The following CASTOR2 variants were observed in gnomAD, a reference collection of about 807,000 sequenced individuals.
CASTOR2 encodes GATS protein like 2.
CASTOR2 carries 8 observed loss-of-function variants against 31.2 expected under a neutral mutation model. That is an observed-to-expected ratio of 0.26 (90% CI 0.15 to 0.46). The LOEUF (loss-of-function observed/expected upper bound fraction) is 0.46, where lower values mean the gene tolerates loss of function less well. CASTOR2 is among the 20% of genes least tolerant of loss of function. The pLI is 0.99. For synonymous variants in CASTOR2, 162 were observed against 158.7 expected, an observed-to-expected ratio of 1.02 and a Z score of -0.16; for missense variants, 216 against 382.1, an observed-to-expected ratio of 0.57 and a Z score of 3.62.
chr7:74,994,339 G>T (rs1239040564), intron 1 of CASTOR2, among the ~76,000 whole-genome samples: 26 of 152,300 alleles, frequency 1.7e-4, no homozygotes, highest in Non-Finnish European at 2.6e-4. Context: ...CTCTGGCAGG[G>T]CGAGGGGACC....
chr7:75,021,476 G>T (rs898628891), intron 6 of CASTOR2, among the ~76,000 whole-genome samples: 2 of 152,168 alleles, frequency 1.3e-5, no homozygotes, highest in Admixed American at 6.6e-5. Context: ...TAAGTAAGCT[G>T]GTCCCCCAGC....
chr7:75,009,458 T>C (rs1283358831), intron 2 of CASTOR2, among the ~76,000 whole-genome samples: 221 of 151,442 alleles, frequency 1.5e-3, no homozygotes, highest in Admixed American at 2.8e-3. Flanking sequence ...TTAGTAGAGA[T>C]GGGGTTTCAC....
At chr7:74,990,222 A>G (rs1554437163) in intron 1 of CASTOR2, among the ~76,000 whole-genome samples, 1 of 151,678 alleles carries the variant, frequency 6.6e-6, no homozygotes, top group East Asian at 2.0e-4. Flanking sequence ...CCCCGTCTCT[A>G]CTAAAAATAC....
chr7:75,025,888 G>T lies in CASTOR2; in HGVS notation c.*1189G>T, dbSNP rs1293489910. Among the ~76,000 whole-genome samples the T allele has an allele frequency of 6.6e-6, 1 of 152,150 alleles. No individual in the cohort carries two copies. The highest frequency in any genetic ancestry group is 1.9e-4 in the East Asian group (1 of 5,188). ...GCTCCAGGGACAGGCAGTGGGAATC[G>T]GGAGATGTCACAGGAGCCTGGGCCC... On this transcript the variant is annotated 3_prime_UTR_variant, in exon 9 of 9. Transcript: ENST00000616305.
intron 6 of CASTOR2, among the ~76,000 whole-genome samples, chr7:75,020,739 C>T (rs1421664180): frequency 2.6e-5 from 4 of 151,910 alleles, no homozygotes; most frequent in South Asian, 2.1e-4. Context: ...TCTGCCCGCC[C>T]CGGCCTCCCA....
intron 1 of CASTOR2, among the ~76,000 whole-genome samples, chr7:74,988,116 G>GT (rs1219408934): frequency 2.6e-5 from 4 of 151,272 alleles, no homozygotes; most frequent in Middle Eastern, 3.4e-3. Flanking sequence ...ATGGCCGATG[G>GT]TCACGGGTCA....
intron 1 of CASTOR2, among the ~76,000 whole-genome samples, chr7:74,998,000 G>T (rs1230269800): frequency 6.6e-6 from 1 of 152,056 alleles, no homozygotes; most frequent in Non-Finnish European, 1.5e-5. Flanking sequence ...CCTCTTGTCT[G>T]TGTCTCCCGT....
chr7:75,013,796 C>G (rs1250390325), intron 2 of CASTOR2, among the ~76,000 whole-genome samples: 1 of 152,158 alleles, frequency 6.6e-6, no homozygotes, highest in East Asian at 1.9e-4. Flanking sequence ...GACACAATCT[C>G]TGCTCACTGC....
chr7:74,984,299 G>A (rs1392906729), intron 1 of CASTOR2, among the ~76,000 whole-genome samples: 2,078 of 150,400 alleles, frequency 0.014, 28 homozygotes, highest in Non-Finnish European at 0.018. Flanking sequence ...TGGAGATCAG[G>A]AGAGGTTATT....
chr7:75,009,561 C>G (rs1385609780), intron 2 of CASTOR2, among the ~76,000 whole-genome samples: 8 of 152,128 alleles, frequency 5.3e-5, no homozygotes, highest in Non-Finnish European at 7.4e-5. Context: ...AGCCACCGCG[C>G]CCGGCCCTGA....
intron 7 of CASTOR2, among the ~76,000 whole-genome samples, chr7:75,022,935 G>A (rs947152004): frequency 2.6e-5 from 4 of 152,206 alleles, no homozygotes; most frequent in Admixed American, 6.5e-5. Context: ...TTTTCTTCAC[G>A]TAAATACATG....
chr7:75,021,858 C>T lies in CASTOR2; in HGVS notation c.747-16C>T. 1 of 1,551,708 alleles carries T rather than the reference C, an allele frequency of 6.4e-7. No homozygotes were observed. Among genetic ancestry groups the T allele is most frequent in the Non-Finnish European group, 8.7e-7 (1 of 1,146,882 alleles). Reference sequence around the variant, plus strand: ...TCACATCAGCCTCGGGGATTCTTCTCTCGCTCCTTTTGAAGGTTTCCTAGT... The same window carrying T: ...TCACATCAGCCTCGGGGATTCTTCTTTCGCTCCTTTTGAAGGTTTCCTAGT... On this transcript the variant is annotated splice_polypyrimidine_tract_variant and intron_variant, in intron 6 of 8. Transcript: ENST00000616305.
intron 2 of CASTOR2, among the ~76,000 whole-genome samples, chr7:75,015,322 T>A (rs1479354711): frequency 1.3e-5 from 2 of 152,192 alleles, no homozygotes; most frequent in Non-Finnish European, 2.9e-5. Context: ...TAGGCTGGAG[T>A]GCAGTGGTGC....
At chr7:75,004,680 C>T (rs1460555043) in intron 1 of CASTOR2, among the ~76,000 whole-genome samples, 1 of 152,086 alleles carries the variant, frequency 6.6e-6, no homozygotes, top group Non-Finnish European at 1.5e-5. Context: ...CTCCTGACCT[C>T]GAGTGATCCG....
At position 74,964,942 on chromosome 7, in the gene CASTOR2, G is replaced by T. The variant is rs1803549250; in HGVS notation, c.-44G>T. ...GCGGAGGGGGCGGGGGCCGCGGCTC[G>T]TCCCCCCGCGGATGAGCCGCCGCGG... On this transcript the variant is annotated 5_prime_UTR_variant, in exon 1 of 9. Transcript: ENST00000616305. The T allele has an allele frequency of 9.4e-5, 1 of 10,664 alleles. No homozygotes were observed. Among genetic ancestry groups the T allele is most frequent in the African/African-American group, 3.8e-4 (1 of 2,624 alleles). 0.7% of individuals were successfully genotyped at this position (10,664 alleles called of 1,614,324 possible).
In CASTOR2 at chr7:75,010,727, T is replaced by TA. The variant is rs1395089760; in HGVS notation, c.184+2664dup. 2.6e-5 allele frequency among the ~76,000 whole-genome samples: 4 copies of TA among 152,286 alleles called. No individual in the cohort carries two copies. The East Asian group carries it at 7.7e-4, about 29-fold the overall frequency. The stretch of plus-strand genomic sequence containing the variant: ...AGGCCAGAGGCTAGCCAGCCAGCCT[T>TA]ACCTCTGTGACTTCAGGGTAAGGGC... On this transcript the variant is annotated intron_variant, in intron 2 of 8. Coordinates refer to ENST00000616305, the MANE Select transcript of CASTOR2 (RefSeq NM_001145064.3).
intron 2 of CASTOR2, among the ~76,000 whole-genome samples, chr7:75,012,675 G>A (rs868909918): frequency 9.8e-5 from 14 of 143,056 alleles, no homozygotes; most frequent in African/African-American, 3.4e-4. Flanking sequence ...GTCTCGCTCT[G>A]TTGTCCAGAC....
chr7:75,003,300 G>A (rs1247491667), intron 1 of CASTOR2, among the ~76,000 whole-genome samples: 2 of 152,222 alleles, frequency 1.3e-5, no homozygotes, highest in African/African-American at 4.8e-5. Context: ...TAAAAAATTA[G>A]CCGGCTGGGC....
At position 75,027,252 on chromosome 7, in the gene CASTOR2, G is replaced by C. The variant is rs1222738512; in HGVS notation, c.*2553G>C. The C allele has an allele frequency of 6.6e-6, 1 of 152,354 alleles. No individual in the cohort carries two copies. The highest frequency in any genetic ancestry group is 1.5e-5 in the Non-Finnish European group (1 of 68,060). 9.4% of individuals were successfully genotyped at this position (152,354 alleles called of 1,614,324 possible). A position where few individuals can be genotyped will look rare whatever the true frequency, so the allele number is the denominator to read the frequency against. ...GAGCCTGTGACATGGGACGTGGGAA[G>C]GGTGCTGAGAGCCCGCTGTGGCGTG... On this transcript the variant is annotated 3_prime_UTR_variant, in exon 9 of 9. Coordinates refer to ENST00000616305, the MANE Select transcript of CASTOR2 (RefSeq NM_001145064.3).
Sources: allele counts gnomAD v4.1 joint callset (sites outside exome capture counted in the v4.1 genomes callset), GRCh38; gene constraint gnomAD v4.1.1; transcripts MANE v1.5; gene names NCBI Gene and HGNC (gene_info 2026-07-23, HGNC 2026-07-21).